COQ10A: variants seen among roughly 807,000 people sequenced by gnomAD.
COQ10A encodes coenzyme Q10A, also known as coenzyme Q-binding protein COQ10 homolog A, mitochondrial.
A neutral mutation model predicts 26.1 loss-of-function variants in COQ10A; 25 were observed. The ratio of observed to expected loss-of-function variants is 0.96; its 90% CI spans 0.70 to 1.34. COQ10A has a LOEUF of 1.34. Among genes scored for constraint, COQ10A ranks in the 40% most tolerant of loss-of-function variants. COQ10A has a pLI of 0.00. For synonymous variants in COQ10A, 132 were observed against 124.0 expected (o/e 1.06, Z -0.43); for missense variants, 312 against 335.4 (o/e 0.93, Z 0.54).
At position 56,269,103 on chromosome 12, in the gene COQ10A, A is replaced by G. The variant is rs1338833476; in HGVS notation, c.326A>G (p.Glu109Gly). Residue 109 changes from glutamate to glycine, a missense_variant, in exon 3 of 5, where the codon GAG (glutamate) becomes GGG (glycine). Transcript: ENST00000308197. ...EMYEVVSNVQEYREFVPWCKK... is the reference protein window; with the variant it reads ...EMYEVVSNVQGYREFVPWCKK... Reference sequence around the variant, plus strand: ...TATGAGGTGGTGTCCAACGTCCAGGAGTATCGTGAGTTTGTGCCCTGGTGT... The same window carrying G: ...TATGAGGTGGTGTCCAACGTCCAGGGGTATCGTGAGTTTGTGCCCTGGTGT... The G allele has an allele frequency of 1.9e-6, 3 of 1,613,904 alleles. No individual in the cohort carries two copies. Among genetic ancestry groups the G allele is most frequent in the African/African-American group, 1.3e-5 (1 of 74,866 alleles).
chr12:56,270,028 C>T (rs542691321), intron 4 of COQ10A, 122 bp from the exon 5 acceptor site: 22 of 962,268 alleles, frequency 2.3e-5, no homozygotes, highest in Middle Eastern at 2.5e-4. Context: ...AGGGCTCTTA[C>T]GGGGATCCAC....
chr12:56,270,449 A>G lies in COQ10A; in HGVS notation c.*132A>G. 2 of 962,848 alleles carry G rather than the reference A, an allele frequency of 2.1e-6. No homozygotes were observed. The highest frequency in any genetic ancestry group is 3.0e-6 in the Non-Finnish European group (2 of 657,010). The allele number at this position is 962,848 out of a possible 1,614,324, so 59.6% of individuals were successfully genotyped here. A position where few individuals can be genotyped will look rare whatever the true frequency, so the allele number is the denominator to read the frequency against. On this transcript the variant is annotated 3_prime_UTR_variant, in exon 5 of 5. Transcript: ENST00000308197. ...ATACTGTTTCTCCTCTCAATTTCCC[A>G]GAAATTGGGTTCTATGCTGGCTGGA...
chr12:56,268,184 G>A, intron 2 of COQ10A: 1 of 530,918 alleles, frequency 1.9e-6, no homozygotes, highest in South Asian at 2.1e-5. Context: ...AAGACAACAG[G>A]GCGTAGCTGG....
intron 2 of COQ10A, chr12:56,268,853 G>A: frequency 1.9e-6 from 1 of 540,304 alleles, no homozygotes; most frequent in Non-Finnish European, 3.3e-6. Flanking sequence ...GAATGCAAAA[G>A]CATTCTGTAA....
At chr12:56,267,293 G>C in intron 1 of COQ10A, 41 bp downstream of exon 1, 1 of 1,592,640 alleles carries the variant, frequency 6.3e-7, no homozygotes, top group Non-Finnish European at 8.6e-7. Flanking sequence ...GGGGGTCGCT[G>C]CGAACCCCGG....
rs1221081244 is a variant in COQ10A at position 56,269,465 on chromosome 12, T to C, written c.480T>C (p.Val160=). 2 of 1,613,430 alleles carry C rather than the reference T, an allele frequency of 1.2e-6. No individual in the cohort carries two copies. Residue 160 remains valine (V), a synonymous_variant, in exon 4 of 5, where the codon GTT becomes GTC. Transcript: ENST00000308197. The part of the protein sequence containing the change: ...SMVKPHMVKA[V]CTDGKLFNHL... ...ACCTGATTACCCTATTCTAGGCTGT[T>C]TGTACTGATGGCAAGCTCTTCAACC...
intron 2 of COQ10A, 68 bp from the exon 3 acceptor site, chr12:56,268,991 G>A (rs1336551502): frequency 1.5e-6 from 2 of 1,320,654 alleles, no homozygotes; most frequent in East Asian, 4.6e-5. Context: ...GTATGAATTA[G>A]GGGCCTATAG....
In COQ10A at chr12:56,267,854, T is replaced by A; in HGVS notation, c.195T>A (p.Ala65=). The change falls in exon 2 of 5, where the codon GCT becomes GCA. Residue 65 remains alanine (A), a synonymous_variant. Coordinates refer to ENST00000308197, the MANE Select transcript of COQ10A (RefSeq NM_144576.4). ...PRAAQILAAE[A]GLPSSRSFMG... ...CTGCCCAGATCTTGGCGGCTGAGGC[T>A]GGCTTACCTTCGAGCCGTTCCTTCA... 2 of 1,614,208 alleles carry A rather than the reference T, an allele frequency of 1.2e-6. No homozygotes were observed. Among genetic ancestry groups the A allele is most frequent in the Non-Finnish European group, 1.7e-6 (2 of 1,180,038 alleles).
Position 56,267,016 on chromosome 12 carries a change from G to A in COQ10A, c.-103G>A. 8.6e-7 allele frequency: 1 copy of A among 1,157,978 alleles called. No homozygotes were observed. The highest frequency in any genetic ancestry group is 1.1e-6 in the Non-Finnish European group (1 of 930,786). The allele number at this position is 1,157,978 out of a possible 1,614,324, so 71.7% of individuals were successfully genotyped here. ...CCGCCTCCCGTCGCCCCTGCGCTCAGAGGTCCCGAACCAGCCCAGCCGCTG... is the reference window on the plus strand; with the variant it reads ...CCGCCTCCCGTCGCCCCTGCGCTCAAAGGTCCCGAACCAGCCCAGCCGCTG... On this transcript the variant is annotated 5_prime_UTR_variant, in exon 1 of 5. Transcript: ENST00000308197.
intron 4 of COQ10A, 101 bp downstream of exon 4, chr12:56,269,662 C>T (rs1872450850): frequency 1.1e-6 from 1 of 897,158 alleles, no homozygotes; most frequent in Non-Finnish European, 1.9e-6. Flanking sequence ...GAGTCTTGCT[C>T]CGTCACCCAG....
Position 56,267,145 on chromosome 12 carries a change from C to T in COQ10A, c.27C>T (p.Val9=), listed in dbSNP as rs1318010516. The change falls in exon 1 of 5, where the codon GTC becomes GTT. Residue 9 remains valine (V), a synonymous_variant. Transcript: ENST00000308197. ...TGGCCTGGGCGGGCTCGCGGCGGGT[C>T]CCAGCTGGGACGCGCGCGGCAGCCG... The part of the protein sequence containing the change: MAWAGSRR[V]PAGTRAAAER... 3.0e-6 allele frequency: 4 copies of T among 1,320,678 alleles called. No individual in the cohort carries two copies. The highest frequency in any genetic ancestry group is 4.2e-5 in the South Asian group (2 of 47,162). The allele number at this position is 1,320,678 out of a possible 1,614,324, so 81.8% of individuals were successfully genotyped here. A position where few individuals can be genotyped will look rare whatever the true frequency, so the allele number is the denominator to read the frequency against.
At position 56,269,917 on chromosome 12, in the gene COQ10A, G is replaced by A. The variant is rs144624681; in HGVS notation, c.577-233G>A. 3.8e-4 allele frequency: 214 copies of A among 559,758 alleles called. 1 individual carries two copies. Among genetic ancestry groups the A allele is most frequent in the East Asian group, 3.4e-3 (108 of 32,146 alleles). The allele number at this position is 559,758 out of a possible 1,614,324, so 34.7% of individuals were successfully genotyped here. Reference sequence around the variant, plus strand: ...GCTGGGATTACAGGCGTGAGCCACCGCACCGACCTGACAGGGTTATTCTTT... The same window carrying A: ...GCTGGGATTACAGGCGTGAGCCACCACACCGACCTGACAGGGTTATTCTTT... On this transcript the variant is annotated intron_variant, in intron 4 of 4. Coordinates refer to ENST00000308197, the MANE Select transcript of COQ10A (RefSeq NM_144576.4).
At chr12:56,267,442 C>T (rs779262668) in intron 1 of COQ10A, 190 bp downstream of exon 1, 3 of 1,613,782 alleles carry the variant, frequency 1.9e-6, no homozygotes, top group African/African-American at 2.7e-5. Context: ...GGGTGAGTGT[C>T]CAACCTCTTC....
intron 4 of COQ10A, 92 bp downstream of exon 4, chr12:56,269,653 A>G (rs2135905304): frequency 1.0e-6 from 1 of 954,466 alleles, no homozygotes; most frequent in Non-Finnish European, 1.7e-6. Flanking sequence ...TTTGAGATGG[A>G]GTCTTGCTCC....
chr12:56,267,780 T>C lies in COQ10A; in HGVS notation c.135-14T>C. Reference sequence around the variant, plus strand: ...AAGAACTATACGGTTGGCTCCTCTTTCCTTTGGCCTTAGGTTTCTGACCTC... The same window carrying C: ...AAGAACTATACGGTTGGCTCCTCTTCCCTTTGGCCTTAGGTTTCTGACCTC... On this transcript the variant is annotated splice_polypyrimidine_tract_variant and intron_variant, in intron 1 of 4. Transcript: ENST00000308197. The C allele has an allele frequency of 6.2e-7, 1 of 1,614,164 alleles. No individual in the cohort carries two copies. The highest frequency in any genetic ancestry group is 8.5e-7 in the Non-Finnish European group (1 of 1,180,022).
chr12:56,269,706 C>T (rs571617025), intron 4 of COQ10A, 145 bp downstream of exon 4: 1 of 671,486 alleles, frequency 1.5e-6, no homozygotes, highest in Admixed American at 2.3e-5. Flanking sequence ...TGGCTCACTG[C>T]AACCTCCACC....
In COQ10A at chr12:56,267,085, G is replaced by C; in HGVS notation, c.-34G>C. On this transcript the variant is annotated 5_prime_UTR_variant, in exon 1 of 5. Transcript: ENST00000308197. ...TTGGAGTGAGGAGGGCGCAGCCCGC[G>C]TCAGAACTTAGAGGGCCAGGCAGGG... The C allele has an allele frequency of 7.9e-7, 1 of 1,266,222 alleles. No individual in the cohort carries two copies. Among genetic ancestry groups the C allele is most frequent in the Non-Finnish European group, 9.9e-7 (1 of 1,008,432 alleles). The allele number at this position is 1,266,222 out of a possible 1,614,324, so 78.4% of individuals were successfully genotyped here.
rs766108627 is a variant in COQ10A at position 56,270,194 on chromosome 12, C to T, written c.621C>T (p.Thr207=). ...CTCTGCTGCACTCCCAGCTGGCCACCATGTTTTTTGATGAGGTTGTCAAAC... is the reference window on the plus strand; with the variant it reads ...CTCTGCTGCACTCCCAGCTGGCCACTATGTTTTTTGATGAGGTTGTCAAAC... The part of the protein sequence containing the change: ...FRSLLHSQLA[T]MFFDEVVKQN... Residue 207 remains threonine, a synonymous_variant, in exon 5 of 5, where the codon ACC becomes ACT. Transcript: ENST00000308197. The T allele has an allele frequency of 1.4e-5, 22 of 1,614,020 alleles. No homozygotes were observed. Among genetic ancestry groups the T allele is most frequent in the Non-Finnish European group, 1.7e-5 (20 of 1,180,024 alleles).
At position 56,269,780 on chromosome 12, in the gene COQ10A, A is replaced by G. The variant is rs566820974; in HGVS notation, c.576+219A>G. On this transcript the variant is annotated intron_variant, in intron 4 of 4. Transcript: ENST00000308197. ...GTAGCTGGGATTACAGGAGCCTGCT[A>G]CCAAGCCCGACTGATTTTTTATTTT... is the stretch of plus-strand genomic sequence containing the variant. 205 of 541,150 alleles carry G rather than the reference A, an allele frequency of 3.8e-4. 3 individuals carry two copies. Among genetic ancestry groups the G allele is most frequent in the South Asian group, 7.2e-4 (35 of 48,424 alleles). The allele number at this position is 541,150 out of a possible 1,614,324, so 33.5% of individuals were successfully genotyped here.
Sources: allele counts gnomAD v4.1 joint callset, GRCh38; gene constraint gnomAD v4.1.1; transcripts MANE v1.5; gene names NCBI Gene and HGNC (gene_info 2026-07-23, HGNC 2026-07-21).